The following EPHA6 variants were observed in gnomAD, a reference collection of about 807,000 sequenced individuals.
EPHA6 encodes the protein ephrin type-A receptor 6.
In EPHA6, 50 loss-of-function variants were observed where a neutral mutation model predicts 112.0. The observed-to-expected ratio is 0.45, with a 90% CI of 0.36 to 0.56. The LOEUF (loss-of-function observed/expected upper bound fraction) is 0.56. Ranked by LOEUF, EPHA6 falls within the 20% of genes least tolerant of loss-of-function variation. EPHA6 has a pLI of 0.00. For missense variants in EPHA6, 1,280 were observed against 1,417.4 expected, an observed-to-expected ratio of 0.90 and a Z score of 1.56; for synonymous variants, 529 against 490.7, an observed-to-expected ratio of 1.08 and a Z score of -1.03.
chr3:96,814,962 G>A lies in EPHA6; in HGVS notation c.339G>A (p.Leu113=). The change falls in exon 1 of 18, where the codon CTG becomes CTA. Residue 113 remains leucine, a synonymous_variant. Coordinates refer to ENST00000389672, the MANE Select transcript of EPHA6 (RefSeq NM_001080448.3). ...TGCAATTTGGTTTCTTCTTGCCTCT[G>A]CTGACAGCGTGGCCAGGCGACTGCA... The part of the protein sequence containing the change: ...FLLQFGFFLP[L]LTAWPGDCSH... 1 of 1,545,684 alleles carries A rather than the reference G, an allele frequency of 6.5e-7. No homozygotes were observed. The highest frequency in any genetic ancestry group is 8.8e-7 in the Non-Finnish European group (1 of 1,142,786).
intron 3 of EPHA6, among the ~76,000 whole-genome samples, chr3:97,225,438 A>C (rs1379927451): frequency 6.6e-6 from 1 of 152,222 alleles, no homozygotes; most frequent in Non-Finnish European, 1.5e-5. Flanking sequence ...TTTAAACAAT[A>C]CTTCAATTAT....
At chr3:97,419,623 TCA>T (rs113526453) in intron 6 of EPHA6, among the ~76,000 whole-genome samples, 22,473 of 149,442 alleles carry the variant, frequency 0.15, 5,246 homozygotes, top group African/African-American at 0.5. Flanking sequence ...AGACTCCCTC[TCA>T]CACACACACA....
intron 7 of EPHA6, among the ~76,000 whole-genome samples, chr3:97,461,227 T>G (rs1208517866): frequency 6.6e-6 from 1 of 152,150 alleles, no homozygotes; most frequent in East Asian, 1.9e-4. Context: ...GCAATTCAAT[T>G]TGGCAGGTAT....
At chr3:97,242,762 C>A (rs2078884202) in intron 4 of EPHA6, among the ~76,000 whole-genome samples, 1 of 151,700 alleles carries the variant, frequency 6.6e-6, no homozygotes, top group Non-Finnish European at 1.5e-5. Context: ...GCTTTCCACG[C>A]TCTAAGCAGA....
At chr3:97,320,354 G>A (rs1334555943) in intron 5 of EPHA6, among the ~76,000 whole-genome samples, 1 of 150,906 alleles carries the variant, frequency 6.6e-6, no homozygotes, top group Non-Finnish European at 1.5e-5. Flanking sequence ...TCCTTTCTGT[G>A]TGGTAAAACC....
chr3:97,094,127 C>A (rs1009948991), intron 3 of EPHA6, among the ~76,000 whole-genome samples: 2 of 152,072 alleles, frequency 1.3e-5, no homozygotes, highest in African/African-American at 4.8e-5. Flanking sequence ...GTCATATGGC[C>A]TTTCAATAAA....
intron 5 of EPHA6, among the ~76,000 whole-genome samples, chr3:97,378,719 G>A (rs554601296): frequency 6.6e-6 from 1 of 152,252 alleles, no homozygotes; most frequent in African/African-American, 2.4e-5. Flanking sequence ...CTGCCCCATT[G>A]GATTTCAGAC....
rs542965170 is a variant in EPHA6, at chr3:97,495,262, T to C, written c.2200+11203T>C. Among the ~76,000 whole-genome samples the C allele has an allele frequency of 3.0e-3, 453 of 151,070 alleles. 4 individuals are homozygous for C. The highest frequency in any genetic ancestry group is 0.011 in the African/African-American group (441 of 41,316). On this transcript the variant is annotated intron_variant, in intron 10 of 17. Transcript: ENST00000389672. The stretch of plus-strand genomic sequence containing the variant: ...GGTCTACACTATATATATATGTAAA[T>C]CATATATATAAATATGAACCATATA...
chr3:97,280,270 G>T (rs1249218722), intron 5 of EPHA6, among the ~76,000 whole-genome samples: 1 of 152,214 alleles, frequency 6.6e-6, no homozygotes, highest in Non-Finnish European at 1.5e-5. Flanking sequence ...GTAAAGTAAG[G>T]ATTGATAATA....
chr3:97,084,933 A>G (rs1361385413), intron 3 of EPHA6, among the ~76,000 whole-genome samples: 1 of 152,142 alleles, frequency 6.6e-6, no homozygotes, highest in Non-Finnish European at 1.5e-5. Context: ...CAAGAATAAT[A>G]TTTTGAAAAG....
intron 10 of EPHA6, among the ~76,000 whole-genome samples, chr3:97,510,567 C>A (rs890075818): frequency 3.3e-5 from 5 of 152,132 alleles, no homozygotes; most frequent in Admixed American, 3.3e-4. Flanking sequence ...GAAGCTTCAT[C>A]CCAGAGGGGC....
intron 11 of EPHA6, chr3:97,572,720 T>C (rs567881188): frequency 5.9e-5 from 9 of 152,298 alleles, no homozygotes; most frequent in African/African-American, 2.2e-4. Context: ...AGACCAACTT[T>C]CCTGAGGTGA....
At chr3:97,318,727 T>C (rs1172562809) in intron 5 of EPHA6, among the ~76,000 whole-genome samples, 1 of 151,968 alleles carries the variant, frequency 6.6e-6, no homozygotes, top group African/African-American at 2.4e-5. Flanking sequence ...ATATTCTTTA[T>C]GATAACATGA....
rs370207853 is a variant in EPHA6, at chr3:97,756,872, T to A, written c.*8171T>A. Among the ~76,000 whole-genome samples, 2 of 151,884 alleles carry A rather than the reference T, an allele frequency of 1.3e-5. No homozygotes were observed. The highest frequency in any genetic ancestry group is 3.0e-5 in the Non-Finnish European group (2 of 67,764). Reference sequence around the variant, plus strand: ...TCACATTCCACCTTGGATTGTGACATTGAAAAACATTGAATATATACAGGA... The same window carrying A: ...TCACATTCCACCTTGGATTGTGACAATGAAAAACATTGAATATATACAGGA... On this transcript the variant is annotated 3_prime_UTR_variant, in exon 18 of 18. Transcript: ENST00000389672.
intron 3 of EPHA6, among the ~76,000 whole-genome samples, chr3:97,123,482 C>T (rs1034774408): frequency 2.6e-5 from 4 of 151,964 alleles, no homozygotes; most frequent in East Asian, 1.9e-4. Context: ...AAGCTACTCC[C>T]GTAGAAATTT....
intron 10 of EPHA6, among the ~76,000 whole-genome samples, chr3:97,491,911 A>C (rs1024761374): frequency 6.6e-6 from 1 of 152,034 alleles, no homozygotes; most frequent in African/African-American, 2.4e-5. Flanking sequence ...TGACACATAC[A>C]GTTGATCAAA....
At chr3:97,501,529 A>C (rs1483675353) in intron 10 of EPHA6, among the ~76,000 whole-genome samples, 2 of 152,014 alleles carry the variant, frequency 1.3e-5, no homozygotes, top group African/African-American at 4.8e-5. Flanking sequence ...CAGAGAATTT[A>C]AAATATTTTA....
At chr3:97,236,168 G>T (rs1250591508) in intron 4 of EPHA6, among the ~76,000 whole-genome samples, 2 of 151,860 alleles carry the variant, frequency 1.3e-5, no homozygotes, top group Non-Finnish European at 2.9e-5. Context: ...AGGAGATCCT[G>T]CTATCTGCCA....
intron 11 of EPHA6, among the ~76,000 whole-genome samples, chr3:97,580,514 T>C (rs2107281146): frequency 6.6e-6 from 1 of 152,304 alleles, no homozygotes; most frequent in Admixed American, 6.5e-5. Flanking sequence ...TCAATATTCT[T>C]ATGGGACGGG....
Sources: gnomAD v4.1 joint callset for allele counts (sites outside exome capture counted in the v4.1 genomes callset) on GRCh38, gnomAD v4.1.1 for gene constraint, MANE v1.5 for transcripts, NCBI Gene and HGNC (gene_info 2026-07-23, HGNC 2026-07-21) for gene names.